KDM2A: variants seen among roughly 807,000 people sequenced by gnomAD.
The protein encoded by KDM2A is lysine demethylase 2A, also known as lysine-specific demethylase 2A.
Under a neutral mutation model 137.3 loss-of-function variants are expected in KDM2A, and 3 were observed. The observed-to-expected ratio is 0.02, with a 90% confidence interval of 0.01 to 0.06. The LOEUF (loss-of-function observed/expected upper bound fraction) is 0.06, where lower values mean the gene tolerates loss of function less well. KDM2A is among the 10% of genes least tolerant of loss of function. The probability of loss-of-function intolerance (pLI) is 1.00; values close to 1 mark genes in which losing one functional copy is unlikely to be tolerated. For synonymous variants in KDM2A, 512 were observed against 541.5 expected, an observed-to-expected ratio of 0.95 and a Z score of 0.76; for missense variants, 738 against 1,510.6, an observed-to-expected ratio of 0.49 and a Z score of 8.48.
intron 2 of KDM2A, 87 bp from the exon 3 acceptor site, chr11:67,179,992 C>T (rs1461929587): frequency 3.7e-6 from 5 of 1,368,422 alleles, no homozygotes; most frequent in South Asian, 1.5e-5. Flanking sequence ...GAAAGTAGCA[C>T]TTTGCACATG....
chr11:67,229,507 C>G (rs755685086), intron 11 of KDM2A, among the ~76,000 whole-genome samples: 4 of 152,170 alleles, frequency 2.6e-5, no homozygotes, highest in Non-Finnish European at 4.4e-5. Flanking sequence ...TTAATCCAAG[C>G]AAGATATTTT....
intron 2 of KDM2A, among the ~76,000 whole-genome samples, chr11:67,131,275 GATCTC>G (rs1171973983): frequency 6.6e-6 from 1 of 151,826 alleles, no homozygotes; most frequent in Non-Finnish European, 1.5e-5. Flanking sequence ...TGTGAGCTGA[GATCTC>G]ACCGTCGCAC....
intron 5 of KDM2A, among the ~76,000 whole-genome samples, chr11:67,207,125 GTA>G (rs1314047130): frequency 6.6e-6 from 1 of 152,186 alleles, no homozygotes; most frequent in Non-Finnish European, 1.5e-5. Context: ...AGATCAGTAA[GTA>G]AGAGCTTGAC....
At chr11:67,156,146 G>T (rs1426836086) in intron 2 of KDM2A, among the ~76,000 whole-genome samples, 1 of 151,212 alleles carries the variant, frequency 6.6e-6, no homozygotes, top group Non-Finnish European at 1.5e-5. Flanking sequence ...TACTTGGGAG[G>T]CTGAGGCAGA....
intron 6 of KDM2A, among the ~76,000 whole-genome samples, chr11:67,214,927 A>C (rs2136394004): frequency 6.6e-6 from 1 of 152,216 alleles, no homozygotes; most frequent in East Asian, 1.9e-4. Context: ...TTTTGGCCTA[A>C]CTTTTGGCAT....
At chr11:67,201,742 C>T (rs1327085590) in intron 5 of KDM2A, among the ~76,000 whole-genome samples, 1 of 134,172 alleles carries the variant, frequency 7.5e-6, no homozygotes, top group African/African-American at 3.0e-5. Flanking sequence ...CACCACACTC[C>T]AGCCTAGGCA....
chr11:67,234,200 A>C (rs1858801410), intron 12 of KDM2A, among the ~76,000 whole-genome samples: 1 of 152,252 alleles, frequency 6.6e-6, no homozygotes, highest in Non-Finnish European at 1.5e-5. Flanking sequence ...TTGAGAATCT[A>C]AGCATCACTC....
At chr11:67,223,251 T>C (rs1292401156) in intron 10 of KDM2A, among the ~76,000 whole-genome samples, 3 of 151,566 alleles carry the variant, frequency 2.0e-5, no homozygotes, top group African/African-American at 4.9e-5. Context: ...GAAATTGATA[T>C]GCGGCATAAG....
chr11:67,214,051 A>AT (rs1445068523), intron 6 of KDM2A, among the ~76,000 whole-genome samples: 5 of 151,016 alleles, frequency 3.3e-5, no homozygotes, highest in Non-Finnish European at 7.4e-5. Flanking sequence ...TATTTTATTT[A>AT]TTTTTTGAGA....
intron 12 of KDM2A, among the ~76,000 whole-genome samples, chr11:67,235,132 A>C (rs1324850499): frequency 6.8e-6 from 1 of 147,364 alleles, no homozygotes; most frequent in Non-Finnish European, 1.5e-5. Flanking sequence ...GTGACAGAGC[A>C]AGACTCCATC....
intron 5 of KDM2A, among the ~76,000 whole-genome samples, chr11:67,185,401 GC>G (rs1315638508): frequency 2.6e-5 from 4 of 152,152 alleles, no homozygotes; most frequent in African/African-American, 9.7e-5. Flanking sequence ...GGAGGCCAAG[GC>G]GGGTGGATCA....
chr11:67,126,726 A>T (rs960894533), intron 2 of KDM2A, among the ~76,000 whole-genome samples: 1 of 149,960 alleles, frequency 6.7e-6, no homozygotes, highest in Non-Finnish European at 1.5e-5. Context: ...AAAAAAAAAA[A>T]GTATTTTTTG....
chr11:67,237,237 A>G (rs1858897530), intron 12 of KDM2A, among the ~76,000 whole-genome samples: 1 of 152,170 alleles, frequency 6.6e-6, no homozygotes, highest in South Asian at 2.1e-4. Flanking sequence ...TGATCTAAAA[A>G]TTTATGTTAG....
chr11:67,247,422 C>T (rs1174082139), intron 15 of KDM2A, among the ~76,000 whole-genome samples: 12 of 84,518 alleles, frequency 1.4e-4, no homozygotes, highest in Admixed American at 3.6e-4. Context: ...GCATTACAAT[C>T]TTTTTTTTTT....
chr11:67,198,161 C>T (rs1857526711), intron 5 of KDM2A, among the ~76,000 whole-genome samples: 1 of 152,058 alleles, frequency 6.6e-6, no homozygotes, highest in African/African-American at 2.4e-5. Context: ...ATAAGTGAAC[C>T]CATGTAGTTC....
At chr11:67,121,152 T>TA (rs1855590100) in intron 1 of KDM2A, 82 bp from the exon 2 acceptor site, 3 of 627,362 alleles carry the variant, frequency 4.8e-6, no homozygotes, top group East Asian at 2.7e-5. Flanking sequence ...CTTTAACACT[T>TA]ACCTTAAATA....
chr11:67,186,592 G>A (rs1192191742), intron 5 of KDM2A, among the ~76,000 whole-genome samples: 2 of 152,172 alleles, frequency 1.3e-5, no homozygotes, highest in Non-Finnish European at 2.9e-5. Context: ...GTAAATACAT[G>A]GGTAATTGTA....
At chr11:67,163,900 T>G (rs559187719) in intron 2 of KDM2A, among the ~76,000 whole-genome samples, 2 of 151,762 alleles carry the variant, frequency 1.3e-5, no homozygotes, top group African/African-American at 4.8e-5. Flanking sequence ...TTTGAGTATG[T>G]GCTAGATACT....
chr11:67,181,431 C>G, intron 4 of KDM2A, 33 bp downstream of exon 4: 1 of 1,486,890 alleles, frequency 6.7e-7, no homozygotes, highest in East Asian at 2.3e-5. Context: ...GATGTAGTTG[C>G]AAAATGGCCT....
Sources: gnomAD v4.1 joint callset for allele counts (sites outside exome capture counted in the v4.1 genomes callset) on GRCh38, gnomAD v4.1.1 for gene constraint, MANE v1.5 for transcripts, NCBI Gene and HGNC (gene_info 2026-07-23, HGNC 2026-07-21) for gene names.